The following PRKG1 variants were observed in gnomAD, a reference collection of about 807,000 sequenced individuals.
The protein encoded by PRKG1 is protein kinase cGMP-dependent 1.
PRKG1 carries 35 observed loss-of-function variants against 88.1 expected under a neutral mutation model. That is an observed-to-expected ratio of 0.40 (90% CI 0.30 to 0.53). The LOEUF (loss-of-function observed/expected upper bound fraction) is 0.53, where lower values mean the gene tolerates loss of function less well. PRKG1 is among the 20% of genes least tolerant of loss of function. PRKG1 has a pLI of 0.59. For missense variants in PRKG1, 540 were observed against 839.8 expected, an observed-to-expected ratio of 0.64 and a Z score of 4.41; for synonymous variants, 303 against 292.5, an observed-to-expected ratio of 1.04 and a Z score of -0.37.
intron 4 of PRKG1, among the ~76,000 whole-genome samples, chr10:51,890,417 T>G (rs1286641422): frequency 6.6e-6 from 1 of 152,206 alleles, no homozygotes; most frequent in Non-Finnish European, 1.5e-5. Flanking sequence ...TTATATGGTC[T>G]GTCACTTGAC....
intron 3 of PRKG1, among the ~76,000 whole-genome samples, chr10:51,650,785 A>T (rs1360821160): frequency 6.6e-6 from 1 of 152,264 alleles, no homozygotes; most frequent in East Asian, 1.9e-4. Flanking sequence ...GGCTTTCATT[A>T]GCACTTCCCT....
At chr10:51,958,082 T>C (rs1843356846) in intron 5 of PRKG1, among the ~76,000 whole-genome samples, 1 of 152,190 alleles carries the variant, frequency 6.6e-6, no homozygotes. Flanking sequence ...AAGTATTTTT[T>C]CAACTTTGTT....
chr10:51,281,267 C>T (rs1379113452), intron 2 of PRKG1, among the ~76,000 whole-genome samples: 1 of 152,148 alleles, frequency 6.6e-6, no homozygotes, highest in African/African-American at 2.4e-5. Flanking sequence ...TATCAGTCTG[C>T]CCCTACTGGG....
At chr10:51,435,558 G>T (rs1256738172) in intron 2 of PRKG1, among the ~76,000 whole-genome samples, 1 of 151,642 alleles carries the variant, frequency 6.6e-6, no homozygotes, top group Non-Finnish European at 1.5e-5. Context: ...ACATTGTTTT[G>T]ATTTATTATA....
intron 3 of PRKG1, among the ~76,000 whole-genome samples, chr10:51,663,971 A>G (rs1281188234): frequency 6.6e-6 from 1 of 152,082 alleles, no homozygotes; most frequent in Non-Finnish European, 1.5e-5. Context: ...GAATTTTATT[A>G]ATTTCTACTT....
chr10:52,071,656 T>G (rs1846498652), intron 7 of PRKG1, among the ~76,000 whole-genome samples: 1 of 114,316 alleles, frequency 8.7e-6, no homozygotes, highest in Non-Finnish European at 1.7e-5. Context: ...GAGGTGTGCT[T>G]GTCTTGGGTG....
intron 3 of PRKG1, among the ~76,000 whole-genome samples, chr10:51,764,244 G>A (rs570925308): frequency 2.0e-5 from 3 of 152,082 alleles, no homozygotes; most frequent in Non-Finnish European, 4.4e-5. Flanking sequence ...CTTTGTTATG[G>A]ATCTATTTTT....
chr10:51,201,525 C>T (rs1289022573), intron 2 of PRKG1, among the ~76,000 whole-genome samples: 3 of 152,132 alleles, frequency 2.0e-5, no homozygotes. Context: ...TGTGTTTGTT[C>T]ATTTATTAAC....
intron 2 of PRKG1, among the ~76,000 whole-genome samples, chr10:51,375,040 T>G (rs539371444): frequency 4.1e-4 from 63 of 152,276 alleles, no homozygotes; most frequent in Admixed American, 1.2e-3. Context: ...TTAGGTAACG[T>G]AATCATTGAT....
At chr10:52,260,523 T>G (rs1841408834) in intron 10 of PRKG1, among the ~76,000 whole-genome samples, 1 of 152,166 alleles carries the variant, frequency 6.6e-6, no homozygotes, top group Non-Finnish European at 1.5e-5. Context: ...ATATAAATAT[T>G]CAACTTCACC....
intron 3 of PRKG1, among the ~76,000 whole-genome samples, chr10:51,794,990 G>A (rs748272853): frequency 2.6e-5 from 4 of 152,002 alleles, no homozygotes; most frequent in African/African-American, 4.8e-5. Context: ...TTCATTATGC[G>A]TAGTAAATGT....
At chr10:51,668,001 T>C (rs971570853) in intron 3 of PRKG1, among the ~76,000 whole-genome samples, 5 of 152,116 alleles carry the variant, frequency 3.3e-5, no homozygotes, top group Non-Finnish European at 7.4e-5. Context: ...ATTGAATGCC[T>C]CTTAAATCAC....
intron 2 of PRKG1, among the ~76,000 whole-genome samples, chr10:51,464,658 G>A (rs1408733382): frequency 4.0e-5 from 6 of 151,782 alleles, no homozygotes; most frequent in African/African-American, 1.2e-4. Flanking sequence ...TTGGGAGGCC[G>A]AGGCGGGCGG....
At chr10:51,295,865 T>G (rs1165378068) in intron 2 of PRKG1, among the ~76,000 whole-genome samples, 1 of 152,224 alleles carries the variant, frequency 6.6e-6, no homozygotes, top group Non-Finnish European at 1.5e-5. Flanking sequence ...CCTATTTTGT[T>G]GAGAGTTTTT....
At chr10:51,297,563 G>A (rs1024533903) in intron 2 of PRKG1, among the ~76,000 whole-genome samples, 2 of 152,040 alleles carry the variant, frequency 1.3e-5, no homozygotes, top group Admixed American at 6.6e-5. Flanking sequence ...CATACTTTTA[G>A]GTTTGGGTAA....
chr10:51,193,801 C>T (rs1837691757), intron 2 of PRKG1, among the ~76,000 whole-genome samples: 1 of 152,090 alleles, frequency 6.6e-6, no homozygotes, highest in Admixed American at 6.6e-5. Context: ...TTTGATCCAT[C>T]CACCCACAAC....
intron 4 of PRKG1, among the ~76,000 whole-genome samples, chr10:51,866,494 T>G (rs1306282693): frequency 6.6e-6 from 1 of 152,108 alleles, no homozygotes; most frequent in Non-Finnish European, 1.5e-5. Flanking sequence ...TACTATTAGC[T>G]TAAAGCTTTC....
chr10:51,494,457 A>G (rs1393033736), intron 3 of PRKG1, among the ~76,000 whole-genome samples: 1 of 152,226 alleles, frequency 6.6e-6, no homozygotes, highest in Non-Finnish European at 1.5e-5. Flanking sequence ...AGTATAAATG[A>G]TAGTAGGGAA....
At chr10:52,293,670 A>G (rs1281120729) in intron 17 of PRKG1, 132 bp from the exon 18 acceptor site, 1 of 685,636 alleles carries the variant, frequency 1.5e-6, no homozygotes, top group African/African-American at 1.8e-5. Flanking sequence ...TGTGACCCTC[A>G]ATACCTGCTA....
Sources: allele counts gnomAD v4.1 joint callset (sites outside exome capture counted in the v4.1 genomes callset), GRCh38; gene constraint gnomAD v4.1.1; transcripts MANE v1.5; gene names NCBI Gene and HGNC (gene_info 2026-07-23, HGNC 2026-07-21).